The following LPIN2 variants were observed in gnomAD, a reference collection of about 807,000 sequenced individuals.
LPIN2 encodes lipin 2, also known as phosphatidate phosphatase LPIN2.
A neutral mutation model predicts 111.4 loss-of-function variants in LPIN2; 55 were observed. That is an observed-to-expected ratio of 0.49 (90% CI 0.40 to 0.62). LPIN2 has a LOEUF of 0.62. Among genes scored for constraint, LPIN2 ranks in the 20% least tolerant of loss-of-function variants. The pLI is 0.00. For synonymous variants in LPIN2, 425 were observed against 414.0 expected (o/e 1.03, Z -0.32); for missense variants, 992 against 1,112.1 (o/e 0.89, Z 1.54).
chr18:2,950,205 CTT>C (rs1483038307), intron 4 of LPIN2: 9 of 152,176 alleles, frequency 5.9e-5, no homozygotes, highest in Non-Finnish European at 1.2e-4. Context: ...AGGGTTTACT[CTT>C]GATATATATT....
At chr18:2,975,899 AT>A (rs2078005724) in intron 1 of LPIN2, among the ~76,000 whole-genome samples, 1 of 152,228 alleles carries the variant, frequency 6.6e-6, no homozygotes, top group African/African-American at 2.4e-5. Context: ...GTGGGATACA[AT>A]TTTTTTGAAT....
At chr18:2,922,508 C>T (rs910636123) in intron 16 of LPIN2, among the ~76,000 whole-genome samples, 1 of 152,114 alleles carries the variant, frequency 6.6e-6, no homozygotes, top group African/African-American at 2.4e-5. Flanking sequence ...AGCTCCTAAC[C>T]TCAGGCAACC....
intron 5 of LPIN2, among the ~76,000 whole-genome samples, chr18:2,940,341 AAG>A (rs2077351768): frequency 6.6e-6 from 1 of 152,230 alleles, no homozygotes; most frequent in South Asian, 2.1e-4. Context: ...TAAAAAGAAA[AAG>A]AAAAAAAATA....
chr18:2,960,474 A>G (rs2077695541), intron 2 of LPIN2, 175 bp downstream of exon 2: 1 of 667,352 alleles, frequency 1.5e-6, no homozygotes, highest in Non-Finnish European at 2.6e-6. Context: ...CAATACATAA[A>G]GGTTGACTTC....
intron 1 of LPIN2, among the ~76,000 whole-genome samples, chr18:3,003,010 T>C (rs1190420380): frequency 6.6e-6 from 1 of 152,252 alleles, no homozygotes; most frequent in Admixed American, 6.5e-5. Context: ...TAGTAAGACC[T>C]AGAGGTGGAT....
At chr18:2,980,346 C>A (rs1275103715) in intron 1 of LPIN2, among the ~76,000 whole-genome samples, 1 of 152,146 alleles carries the variant, frequency 6.6e-6, no homozygotes, top group African/African-American at 2.4e-5. Flanking sequence ...ACTGGCCATG[C>A]TAGACTGGAG....
intron 1 of LPIN2, among the ~76,000 whole-genome samples, chr18:2,989,615 A>T (rs1427092344): frequency 6.5e-5 from 1 of 15,374 alleles, no homozygotes; most frequent in Non-Finnish European, 4.2e-4. Context: ...CTTGATTTCA[A>T]AACTTTCAAA....
At chr18:2,989,722 A>C (rs1309127150) in intron 1 of LPIN2, among the ~76,000 whole-genome samples, 2 of 152,120 alleles carry the variant, frequency 1.3e-5, no homozygotes, top group African/African-American at 4.8e-5. Context: ...GGAGTTCGAG[A>C]CCAGCTTGGC....
rs1185962173 is a variant in LPIN2, at chr18:2,923,783, G to A, written c.2166C>T (p.Ser722=). The change falls in exon 16 of 20, where the codon TCC becomes TCT. Residue 722 remains serine, a synonymous_variant. Transcript: ENST00000677752. ...GTGGGGAGGGTACCTACTCATTGAT[G>A]GAATGGTAGAGCTTTGCTATACCCT... ...THQGIAKLYH[S]INENGYKFLY... 2 of 1,613,736 alleles carry A rather than the reference G, an allele frequency of 1.2e-6. No individual in the cohort carries two copies. The highest frequency in any genetic ancestry group is 1.7e-6 in the Non-Finnish European group (2 of 1,179,752).
chr18:2,923,374 C>T (rs142788142), intron 16 of LPIN2, among the ~76,000 whole-genome samples: 1,607 of 122,864 alleles, frequency 0.013, 13 homozygotes, highest in Non-Finnish European at 0.016. Context: ...GAGCCAAGGT[C>T]GCGCCATTGC....
At chr18:2,921,673 A>T in intron 17 of LPIN2, 26 bp from the exon 18 acceptor site, 1 of 1,501,344 alleles carries the variant, frequency 6.7e-7, no homozygotes, top group Non-Finnish European at 9.3e-7. Flanking sequence ...AAATACAATC[A>T]CCAATCTCAA....
At chr18:2,928,108 G>C (rs542596506) in intron 11 of LPIN2, among the ~76,000 whole-genome samples, 2 of 152,132 alleles carry the variant, frequency 1.3e-5, no homozygotes, top group Non-Finnish European at 2.9e-5. Flanking sequence ...GTTCTCATGA[G>C]TTAAGAGGAC....
At chr18:2,991,057 C>T in intron 1 of LPIN2, 1 of 564,340 alleles carries the variant, frequency 1.8e-6, no homozygotes. Context: ...GCCCACTTGG[C>T]CCAGAATGAC....
intron 1 of LPIN2, among the ~76,000 whole-genome samples, chr18:2,992,918 G>A (rs1598606080): frequency 3.3e-5 from 5 of 151,014 alleles, no homozygotes; most frequent in East Asian, 3.9e-4. Context: ...CCTGGAAGGC[G>A]GAGCTTGCAG....
rs751433012 is a variant in LPIN2, at chr18:2,938,001, T to C, written c.859A>G (p.Thr287Ala). 3.7e-6 allele frequency: 6 copies of C among 1,614,140 alleles called. No individual in the cohort carries two copies. In the South Asian group the frequency reaches 6.6e-5, roughly 18 times the overall value. ...KRERSDHHPR[T>A]ATITPSENTH... ...TTTTCTGATGGTGTAATTGTAGCTG[T>C]CCTAGGATGATGGTCAGATCGTTCT... The change falls in exon 7 of 20, where the codon ACA becomes GCA. Residue 287 changes from threonine (T) to alanine (A), a missense_variant. Thr to Ala is a moderately conservative substitution (Grantham distance 58, BLOSUM62 0). Around this residue, in one of 4 missense-constraint regions of LPIN2, gnomAD observed 709 missense variants for 753.2 expected, o/e 0.94. Transcript: ENST00000677752.
intron 16 of LPIN2, among the ~76,000 whole-genome samples, chr18:2,923,420 C>CA (rs869052239): frequency 0.13 from 3,345 of 26,518 alleles, 398 homozygotes; most frequent in Non-Finnish European, 0.19. Context: ...AACTCCATCT[C>CA]AAAAAAAAAA....
chr18:2,966,240 A>AGGTTAG (rs1409015274), intron 1 of LPIN2, among the ~76,000 whole-genome samples: 1 of 152,196 alleles, frequency 6.6e-6, no homozygotes. Context: ...ACTGGCCTCA[A>AGGTTAG]AATGGATACA....
At chr18:2,942,900 A>T (rs927748893) in intron 4 of LPIN2, among the ~76,000 whole-genome samples, 1 of 152,206 alleles carries the variant, frequency 6.6e-6, no homozygotes, top group Admixed American at 6.5e-5. Context: ...AAAACAGCAC[A>T]AGCACTGATT....
intron 1 of LPIN2, among the ~76,000 whole-genome samples, chr18:2,986,860 T>G (rs1211051330): frequency 6.6e-6 from 1 of 152,202 alleles, no homozygotes; most frequent in Middle Eastern, 3.2e-3. Flanking sequence ...ATGGCCTGAC[T>G]TGTGTCACAA....
Sources: gnomAD v4.1 joint callset for allele counts (sites outside exome capture counted in the v4.1 genomes callset) on GRCh38, gnomAD v4.1.1 for gene constraint, gnomAD v4.1.1 regional missense constraint, MANE v1.5 for transcripts, NCBI Gene and HGNC (gene_info 2026-07-23, HGNC 2026-07-21) for gene names.